TMEM132B: variants seen among roughly 807,000 people sequenced by gnomAD.
TMEM132B encodes transmembrane protein 132B.
A neutral mutation model predicts 90.8 loss-of-function variants in TMEM132B; 18 were observed. The observed-to-expected ratio is 0.20, with a 90% CI of 0.14 to 0.29. TMEM132B has a LOEUF of 0.29. Among genes scored for constraint, TMEM132B ranks in the 10% least tolerant of loss-of-function variants. The pLI is 1.00. For missense variants in TMEM132B, 1,096 were observed against 1,326.8 expected (o/e 0.83, Z 2.70); for synonymous variants, 504 against 523.3 (o/e 0.96, Z 0.50).
intron 4 of TMEM132B, among the ~76,000 whole-genome samples, chr12:125,568,924 G>A (rs1368520970): frequency 6.6e-6 from 1 of 152,186 alleles, no homozygotes; most frequent in Non-Finnish European, 1.5e-5. Flanking sequence ...GATGACCACA[G>A]CAATTGTATC....
intron 1 of TMEM132B, among the ~76,000 whole-genome samples, chr12:125,248,716 G>C (rs1297974044): frequency 6.6e-6 from 1 of 152,172 alleles, no homozygotes; most frequent in Non-Finnish European, 1.5e-5. Flanking sequence ...TTGTGGGAAG[G>C]AGACTGGGTC....
chr12:125,321,179 C>T (rs1876416946), intron 1 of TMEM132B, among the ~76,000 whole-genome samples: 1 of 152,204 alleles, frequency 6.6e-6, no homozygotes, highest in South Asian at 2.1e-4. Context: ...GTAGATTTTT[C>T]TGACTTTGGG....
intron 1 of TMEM132B, among the ~76,000 whole-genome samples, chr12:125,214,927 T>C (rs1431233679): frequency 6.6e-6 from 1 of 152,176 alleles, no homozygotes; most frequent in African/African-American, 2.4e-5. Context: ...GTCTCCACAT[T>C]TCTGCCTGGG....
rs947332444 is a variant in TMEM132B at position 125,396,509 on chromosome 12, ATTTG to A, written c.960-19006_960-19003del. On this transcript the variant is annotated intron_variant, in intron 2 of 8. Transcript: ENST00000682704. ...CACTGTGAGGTAGGTACTATTATTT[ATTTG>A]TTTGTTTGTTTGTTTTTGAAATGGG... Among the ~76,000 whole-genome samples the A allele has an allele frequency of 9.2e-5, 14 of 151,966 alleles. No individual in the cohort carries two copies. In the East Asian group the frequency reaches 1.9e-3, roughly 21 times the overall value.
chr12:125,564,751 C>G (rs1884622634), intron 4 of TMEM132B, among the ~76,000 whole-genome samples: 2 of 152,180 alleles, frequency 1.3e-5, no homozygotes, highest in Admixed American at 1.3e-4. Flanking sequence ...CTAATTTGTT[C>G]AAATGTTCTT....
At chr12:125,416,245 C>T (rs900090583) in intron 3 of TMEM132B, among the ~76,000 whole-genome samples, 2 of 152,002 alleles carry the variant, frequency 1.3e-5, no homozygotes, top group Non-Finnish European at 2.9e-5. Context: ...AAAGAACTCT[C>T]ACCTGTGTTG....
At chr12:125,402,340 C>G (rs1349276335) in intron 2 of TMEM132B, among the ~76,000 whole-genome samples, 3 of 152,202 alleles carry the variant, frequency 2.0e-5, no homozygotes, top group Non-Finnish European at 4.4e-5. Flanking sequence ...CAGGCAACCA[C>G]CACCACGCCT....
intron 1 of TMEM132B, among the ~76,000 whole-genome samples, chr12:125,270,224 A>T (rs1458816145): frequency 1.3e-5 from 2 of 150,672 alleles, no homozygotes; most frequent in African/African-American, 4.9e-5. Context: ...GCAGCCTCGA[A>T]CTCCTACGCT....
At chr12:125,440,701 C>T (rs1880846079) in intron 3 of TMEM132B, among the ~76,000 whole-genome samples, 1 of 152,158 alleles carries the variant, frequency 6.6e-6, no homozygotes, top group East Asian at 1.9e-4. Flanking sequence ...AATATGTAGG[C>T]AACAAATCAG....
chr12:125,647,026 G>T (rs1166434912), intron 6 of TMEM132B, among the ~76,000 whole-genome samples: 1 of 152,120 alleles, frequency 6.6e-6, no homozygotes, highest in African/African-American at 2.4e-5. Context: ...TTATAAAAAA[G>T]AACCAGATGT....
intron 3 of TMEM132B, among the ~76,000 whole-genome samples, chr12:125,499,195 G>C (rs1284736172): frequency 3.9e-5 from 6 of 152,164 alleles, no homozygotes; most frequent in Non-Finnish European, 8.8e-5. Context: ...CTAGACATTT[G>C]ATCTTATATC....
chr12:125,558,856 T>C (rs75074827), intron 4 of TMEM132B, among the ~76,000 whole-genome samples: 7,156 of 152,286 alleles, frequency 0.047, 261 homozygotes, highest in Non-Finnish European at 0.074. Flanking sequence ...CAAATGAACT[T>C]GACAAACAAG....
At chr12:125,481,101 C>T (rs1882030328) in intron 3 of TMEM132B, among the ~76,000 whole-genome samples, 2 of 152,130 alleles carry the variant, frequency 1.3e-5, no homozygotes, top group South Asian at 2.1e-4. Flanking sequence ...ATTGATGGAA[C>T]GTATCTCAAA....
chr12:125,204,896 G>A (rs1183919157), intron 1 of TMEM132B, among the ~76,000 whole-genome samples: 1 of 149,440 alleles, frequency 6.7e-6, no homozygotes, highest in Non-Finnish European at 1.5e-5. Context: ...CTTTCAATGA[G>A]GGCTCCATGT....
At position 125,612,584 on chromosome 12, in the gene TMEM132B, T is replaced by TTA. The variant is rs1015222371; in HGVS notation, c.1437+28599_1437+28600dup. On this transcript the variant is annotated intron_variant, in intron 5 of 8. Coordinates refer to ENST00000682704, the MANE Select transcript of TMEM132B (RefSeq NM_001366854.1). ...ATATATAATATATATAAAATATATATTATATATATACTTCAAACAGTATAT... is the reference window on the plus strand; with the variant it reads ...ATATATAATATATATAAAATATATATTATATATATATACTTCAAACAGTATAT... Among the ~76,000 whole-genome samples the TTA allele has an allele frequency of 3.0e-4, 44 of 145,550 alleles. 1 individual carries two copies. The highest frequency in any genetic ancestry group is 7.4e-4 in the African/African-American group (30 of 40,286).
intron 5 of TMEM132B, among the ~76,000 whole-genome samples, chr12:125,589,340 G>A (rs995647997): frequency 6.6e-6 from 1 of 151,990 alleles, no homozygotes; most frequent in Non-Finnish European, 1.5e-5. Context: ...AAATTAGCCG[G>A]GCGTAGTGGC....
chr12:125,525,817 A>G (rs1046557102), intron 4 of TMEM132B, among the ~76,000 whole-genome samples: 1 of 152,102 alleles, frequency 6.6e-6, no homozygotes, highest in Admixed American at 6.6e-5. Flanking sequence ...CCTTTGGTCC[A>G]CTGGGTAAGG....
intron 1 of TMEM132B, among the ~76,000 whole-genome samples, chr12:125,235,237 A>C (rs1873908338): frequency 6.6e-6 from 1 of 152,202 alleles, no homozygotes; most frequent in South Asian, 2.1e-4. Flanking sequence ...CAGAGTCCAC[A>C]AACTCTCACA....
At chr12:125,379,543 C>T (rs138416696) in intron 2 of TMEM132B, among the ~76,000 whole-genome samples, 184 of 152,344 alleles carry the variant, frequency 1.2e-3, no homozygotes, top group Admixed American at 2.2e-3. Flanking sequence ...TGAAGGATCA[C>T]AGCGCTGCTA....
Sources: allele counts gnomAD v4.1 joint callset (sites outside exome capture counted in the v4.1 genomes callset), GRCh38; gene constraint gnomAD v4.1.1; transcripts MANE v1.5; gene names NCBI Gene and HGNC (gene_info 2026-07-23, HGNC 2026-07-21).